The following POU1F1 variants were observed in gnomAD, a reference collection of about 807,000 sequenced individuals.
The protein encoded by POU1F1 is POU class 1 homeobox 1.
In POU1F1, 23 loss-of-function variants were observed where a neutral mutation model predicts 32.3. The ratio of observed to expected loss-of-function variants is 0.71; its 90% CI spans 0.51 to 1.01. The LOEUF (loss-of-function observed/expected upper bound fraction) is 1.01, where lower values mean the gene tolerates loss of function less well. POU1F1 is among the 50% of genes least tolerant of loss of function. The pLI, the probability that POU1F1 is intolerant of heterozygous loss-of-function variation, is 0.00. For missense variants in POU1F1, 323 were observed against 341.6 expected (o/e 0.95, Z 0.43); for synonymous variants, 120 against 115.6 (o/e 1.04, Z -0.25).
At chr3:87,272,488 CTG>C (rs1706746443) in intron 2 of POU1F1, among the ~76,000 whole-genome samples, 1 of 152,126 alleles carries the variant, frequency 6.6e-6, no homozygotes, top group Non-Finnish European at 1.5e-5. Flanking sequence ...CATAATAAAA[CTG>C]TGTACTTTTT....
rs574237707 is a variant in POU1F1 at position 87,263,595 on chromosome 3, G to T, written c.439+693C>A. On this transcript the variant is annotated intron_variant, in intron 3 of 5. Coordinates refer to ENST00000350375, the MANE Select transcript of POU1F1 (RefSeq NM_000306.4). Reference sequence around the variant, plus strand: ...CAAAATTACCAGTACACATACTTTTGATCAAGCAATTGTGCTTCTAACATT... The same window carrying T: ...CAAAATTACCAGTACACATACTTTTTATCAAGCAATTGTGCTTCTAACATT... Among the ~76,000 whole-genome samples the T allele has an allele frequency of 5.3e-5, 8 of 152,166 alleles. No homozygotes were observed. In the East Asian group the frequency reaches 1.5e-3, roughly 29 times the overall value.
intron 2 of POU1F1, among the ~76,000 whole-genome samples, chr3:87,267,283 T>A (rs1340154580): frequency 6.6e-6 from 1 of 152,116 alleles, no homozygotes; most frequent in African/African-American, 2.4e-5. Context: ...TATATATTTT[T>A]CCCCATAATT....
chr3:87,275,927 C>A (rs1377810074), intron 1 of POU1F1, among the ~76,000 whole-genome samples: 3 of 151,964 alleles, frequency 2.0e-5, no homozygotes, highest in Non-Finnish European at 4.4e-5. Context: ...AATTTAACAA[C>A]CGAATAAACC....
intron 2 of POU1F1, among the ~76,000 whole-genome samples, chr3:87,269,910 G>T (rs1276131775): frequency 6.6e-6 from 1 of 152,122 alleles, no homozygotes; most frequent in Non-Finnish European, 1.5e-5. Context: ...AGGTTGATTT[G>T]CTGTTTCCAC....
chr3:87,272,857 G>A (rs35015498), intron 2 of POU1F1, among the ~76,000 whole-genome samples: 5 of 152,240 alleles, frequency 3.3e-5, no homozygotes, highest in South Asian at 2.1e-4. Context: ...ATGATGAGGG[G>A]GGGTGTTCTG....
At chr3:87,268,924 G>C (rs542036590) in intron 2 of POU1F1, among the ~76,000 whole-genome samples, 1 of 152,112 alleles carries the variant, frequency 6.6e-6, no homozygotes, top group Non-Finnish European at 1.5e-5. Flanking sequence ...GCCTTACTAG[G>C]CGCTGACTCA....
chr3:87,264,537 T>C, intron 2 of POU1F1, 25 bp from the exon 3 acceptor site: 1 of 1,510,264 alleles, frequency 6.6e-7, no homozygotes, highest in Non-Finnish European at 9.2e-7. Flanking sequence ...AGAAATAAAA[T>C]GAAAAAGACC....
At chr3:87,263,602 C>T (rs1706551940) in intron 3 of POU1F1, among the ~76,000 whole-genome samples, 1 of 152,064 alleles carries the variant, frequency 6.6e-6, no homozygotes, top group African/African-American at 2.4e-5. Context: ...TTTGATCAAG[C>T]AATTGTGCTT....
chr3:87,272,124 C>A (rs1706738119), intron 2 of POU1F1, among the ~76,000 whole-genome samples: 1 of 151,090 alleles, frequency 6.6e-6, no homozygotes, highest in Non-Finnish European at 1.5e-5. Flanking sequence ...AAACACAAGT[C>A]AATTAGAAAA....
intron 2 of POU1F1, among the ~76,000 whole-genome samples, chr3:87,270,009 A>T (rs1180726348): frequency 1.3e-5 from 2 of 151,924 alleles, no homozygotes; most frequent in Non-Finnish European, 2.9e-5. Context: ...AATCTCAGAA[A>T]CCCAAGAGTC....
intron 2 of POU1F1, among the ~76,000 whole-genome samples, chr3:87,271,075 C>A (rs1056467281): frequency 6.6e-6 from 1 of 152,082 alleles, no homozygotes; most frequent in Non-Finnish European, 1.5e-5. Context: ...AGTGATAGCT[C>A]CAGACCTTGG....
At chr3:87,265,822 G>A (rs1485273956) in intron 2 of POU1F1, among the ~76,000 whole-genome samples, 1 of 151,812 alleles carries the variant, frequency 6.6e-6, no homozygotes, top group African/African-American at 2.4e-5. Flanking sequence ...TTATACCAGG[G>A]ACTTGAGCAT....
chr3:87,263,877 A>T (rs1706559549), intron 3 of POU1F1, among the ~76,000 whole-genome samples: 1 of 151,946 alleles, frequency 6.6e-6, no homozygotes, highest in South Asian at 2.1e-4. Flanking sequence ...ATATTTACTT[A>T]TATATCCATG....
intron 2 of POU1F1, 143 bp downstream of exon 2, chr3:87,273,204 C>A: frequency 1.1e-5 from 10 of 907,058 alleles, no homozygotes; most frequent in Non-Finnish European, 1.4e-5. Flanking sequence ...GAGCAGGAAA[C>A]AAGAAGTGGT....
At chr3:87,261,390 C>T (rs1053201870) in intron 4 of POU1F1, 57 bp from the exon 5 acceptor site, 28 of 1,312,252 alleles carry the variant, frequency 2.1e-5, no homozygotes, top group Admixed American at 5.8e-5. Context: ...TTATAAAAAA[C>T]GATCTGATTT....
intron 2 of POU1F1, among the ~76,000 whole-genome samples, chr3:87,265,298 T>G (rs572896937): frequency 6.6e-6 from 1 of 152,174 alleles, no homozygotes; most frequent in East Asian, 1.9e-4. Flanking sequence ...GTTTGCAACT[T>G]TATATATGAT....
Position 87,264,151 on chromosome 3 carries a change from A to AT in POU1F1, c.439+136dup. On this transcript the variant is annotated intron_variant, in intron 3 of 5. Transcript: ENST00000350375. ...AAACAAATGTTTTTGGAGGATTTCC[A>AT]TAACGACTAACTACGTCCACAGTAG... 7 of 709,410 alleles carry AT rather than the reference A, an allele frequency of 9.9e-6. No homozygotes were observed. The South Asian group carries it at 1.2e-4, about 12-fold the overall frequency. The allele number at this position is 709,410 out of a possible 1,614,324, so 43.9% of individuals were successfully genotyped here.
intron 2 of POU1F1, among the ~76,000 whole-genome samples, chr3:87,272,799 A>G (rs567433163): frequency 1.3e-5 from 2 of 152,320 alleles, no homozygotes; most frequent in South Asian, 4.1e-4. Flanking sequence ...CTTAGCTTCA[A>G]TCAATGTCTT....
At chr3:87,262,581 T>A (rs11127975) in intron 3 of POU1F1, among the ~76,000 whole-genome samples, 13 of 151,688 alleles carry the variant, frequency 8.6e-5, no homozygotes, top group African/African-American at 3.1e-4. Flanking sequence ...TTGTTAGTTA[T>A]CAAATAATAT....
Sources: gnomAD v4.1 joint callset for allele counts (sites outside exome capture counted in the v4.1 genomes callset) on GRCh38, gnomAD v4.1.1 for gene constraint, MANE v1.5 for transcripts, NCBI Gene and HGNC (gene_info 2026-07-23, HGNC 2026-07-21) for gene names.